Variants in POLN observed in about 807,000 individuals in gnomAD.
POLN encodes the protein DNA polymerase nu, also known as DNA polymerase N.
In POLN, 108 loss-of-function variants were observed where a neutral mutation model predicts 113.5. The observed-to-expected ratio is 0.95, with a 90% CI of 0.81 to 1.12. The LOEUF (loss-of-function observed/expected upper bound fraction) is 1.12, where lower values mean the gene tolerates loss of function less well. Among genes scored for constraint, POLN ranks in the 50% most tolerant of loss-of-function variants. The probability of loss-of-function intolerance (pLI) is 0.00; values close to 1 mark genes in which losing one functional copy is unlikely to be tolerated. For synonymous variants in POLN, 386 were observed against 391.5 expected (o/e 0.99, Z 0.17); for missense variants, 1,097 against 1,077.1 (o/e 1.02, Z -0.26).
chr4:2,136,634 GCTGTT>G (rs1731864902), intron 16 of POLN, among the ~76,000 whole-genome samples: 2 of 152,256 alleles, frequency 1.3e-5, no homozygotes, highest in Non-Finnish European at 2.9e-5. Context: ...AATCTCAGTA[GCTGTT>G]AGTGGAATGC....
At chr4:2,113,578 C>T (rs1251588715) in intron 19 of POLN, among the ~76,000 whole-genome samples, 1 of 151,322 alleles carries the variant, frequency 6.6e-6, no homozygotes, top group African/African-American at 2.4e-5. Flanking sequence ...AAAAAAATGG[C>T]TGGGCATGGT....
chr4:2,111,244 A>G (rs1331566780), intron 19 of POLN, among the ~76,000 whole-genome samples: 1 of 152,210 alleles, frequency 6.6e-6, no homozygotes, highest in Non-Finnish European at 1.5e-5. Context: ...GTATCTCAAA[A>G]TAATAAGAGC....
In POLN at chr4:2,179,400, G is replaced by A. The variant is rs367666190; in HGVS notation, c.1087C>T (p.Pro363Ser). The change falls in exon 8 of 26, where the codon CCC (proline) becomes TCC (serine). Residue 363 changes from proline (P) to serine (S), a missense_variant. Pro to Ser is a moderately conservative substitution (Grantham distance 74, BLOSUM62 -1). Coordinates refer to ENST00000511885, the MANE Select transcript of POLN (RefSeq NM_181808.4). ...AWLIDPSDAT[P>S]SFEDLVEKYC... The stretch of plus-strand genomic sequence containing the variant: ...TTTTCTACTAAATCTTCAAAAGAGG[G>A]TGTGGCATCACTAGGATCTATAAGC... 9.9e-6 allele frequency: 16 copies of A among 1,613,152 alleles called. No individual in the cohort carries two copies. Among genetic ancestry groups the A allele is most frequent in the Middle Eastern group, 1.6e-4 (1 of 6,080 alleles).
intron 7 of POLN, among the ~76,000 whole-genome samples, chr4:2,192,874 T>G (rs1733486209): frequency 6.6e-6 from 1 of 151,712 alleles, no homozygotes; most frequent in African/African-American, 2.4e-5. Flanking sequence ...CTATATTGTT[T>G]TGATGTTAAT....
intron 7 of POLN, among the ~76,000 whole-genome samples, chr4:2,179,917 C>T (rs1359155164): frequency 6.6e-6 from 1 of 152,336 alleles, no homozygotes; most frequent in East Asian, 1.9e-4. Flanking sequence ...GGAATCCAAG[C>T]CTCTCGAGCA....
chr4:2,095,547 C>T (rs755781070), intron 20 of POLN, among the ~76,000 whole-genome samples: 3 of 152,318 alleles, frequency 2.0e-5, no homozygotes, highest in South Asian at 2.1e-4. Flanking sequence ...AGGGTCTCCT[C>T]GAAGGTCTCC....
chr4:2,135,132 G>A (rs1031709053), intron 16 of POLN, among the ~76,000 whole-genome samples: 5 of 152,088 alleles, frequency 3.3e-5, no homozygotes, highest in African/African-American at 7.2e-5. Context: ...CATAACGCAG[G>A]GTTCAAATGA....
At chr4:2,101,214 G>A (rs1260305717) in intron 19 of POLN, among the ~76,000 whole-genome samples, 1 of 151,968 alleles carries the variant, frequency 6.6e-6, no homozygotes, top group African/African-American at 2.4e-5. Flanking sequence ...TCATAAATAG[G>A]AGTGTGTTGA....
chr4:2,113,249 G>T (rs1731240191), intron 19 of POLN, among the ~76,000 whole-genome samples: 1 of 114,886 alleles, frequency 8.7e-6, no homozygotes, highest in Non-Finnish European at 1.7e-5. Flanking sequence ...GGTGGGGGGA[G>T]GGGGGAGGGA....
intron 16 of POLN, among the ~76,000 whole-genome samples, chr4:2,148,213 G>T (rs960917315): frequency 6.6e-6 from 1 of 152,112 alleles, no homozygotes; most frequent in Non-Finnish European, 1.5e-5. Flanking sequence ...TATAGTAATA[G>T]AAACTATTCA....
rs569231017 is a variant in POLN at position 2,093,360 on chromosome 4, G to A, written c.2065+2491C>T. Among the ~76,000 whole-genome samples, 7 of 152,370 alleles carry A rather than the reference G, an allele frequency of 4.6e-5. No individual in the cohort carries two copies. The South Asian group carries it at 1.4e-3, about 32-fold the overall frequency. ...TTTACTGACATGGCACAGAAGTGAA[G>A]TAGGACTCAGACGTAACGGCAGATG... On this transcript the variant is annotated intron_variant, in intron 20 of 25. Transcript: ENST00000511885. The surrounding 1 kb of genome is among the most constrained non-coding windows in gnomAD (Gnocchi z 4.1).
At chr4:2,152,512 G>A (rs568891985) in intron 16 of POLN, among the ~76,000 whole-genome samples, 2 of 151,046 alleles carry the variant, frequency 1.3e-5, no homozygotes, top group South Asian at 2.1e-4. Context: ...TAAAATTTAT[G>A]TAGAGATGGG....
At chr4:2,225,550 A>G (rs1409027466) in intron 3 of POLN, among the ~76,000 whole-genome samples, 1 of 151,630 alleles carries the variant, frequency 6.6e-6, no homozygotes, top group Non-Finnish European at 1.5e-5. Flanking sequence ...CAAGACTCCA[A>G]CTCAAAAAAA....
intron 17 of POLN, among the ~76,000 whole-genome samples, chr4:2,129,744 TG>T (rs1179926053): frequency 1.3e-5 from 2 of 152,218 alleles, no homozygotes; most frequent in African/African-American, 4.8e-5. Context: ...CTAGGTTTTC[TG>T]TTTTTTTTAA....
chr4:2,147,125 G>T (rs952855689), intron 16 of POLN, among the ~76,000 whole-genome samples: 1 of 152,012 alleles, frequency 6.6e-6, no homozygotes, highest in Admixed American at 6.6e-5. Context: ...AGATACTAAA[G>T]AATTCATAAG....
At chr4:2,072,835 G>A (rs368344659) in intron 25 of POLN, 133 bp downstream of exon 25, 28 of 913,482 alleles carry the variant, frequency 3.1e-5, no homozygotes, top group African/African-American at 1.6e-4. Context: ...CAGCCTCCAC[G>A]GCTGTGCCTG....
At chr4:2,226,822 A>T (rs1346261391) in intron 3 of POLN, among the ~76,000 whole-genome samples, 1 of 152,234 alleles carries the variant, frequency 6.6e-6, no homozygotes, top group Non-Finnish European at 1.5e-5. Context: ...GGCTCATGGA[A>T]ATAAAAGGCT....
chr4:2,149,273 G>C (rs1461232766), intron 16 of POLN, among the ~76,000 whole-genome samples: 1 of 151,108 alleles, frequency 6.6e-6, no homozygotes, highest in Non-Finnish European at 1.5e-5. Context: ...CAGCCTGGGC[G>C]ACAGGAGTGA....
At chr4:2,238,964 T>A (rs1176972695) in intron 2 of POLN, 1 of 1,590,660 alleles carries the variant, frequency 6.3e-7, no homozygotes, top group Admixed American at 1.9e-5. Context: ...GTCTTTTATT[T>A]GAGTGACCTC....
Sources: allele counts gnomAD v4.1 joint callset (sites outside exome capture counted in the v4.1 genomes callset), GRCh38; gene constraint gnomAD v4.1.1; non-coding constraint Gnocchi (gnomAD v3.1); transcripts MANE v1.5; gene names NCBI Gene and HGNC (gene_info 2026-07-23, HGNC 2026-07-21).